Variants in IFT74 observed in about 807,000 individuals in gnomAD.
The protein encoded by IFT74 is intraflagellar transport 74.
In IFT74, 92 loss-of-function variants were observed where a neutral mutation model predicts 96.7. The observed-to-expected ratio is 0.95, with a 90% CI of 0.80 to 1.13. IFT74 has a LOEUF of 1.13. Ranked by LOEUF, IFT74 falls within the 50% of genes most tolerant of loss-of-function variation. IFT74 has a pLI of 0.00. For synonymous variants in IFT74, 223 were observed against 213.2 expected (o/e 1.05, Z -0.40); for missense variants, 811 against 698.2 (o/e 1.16, Z -1.82).
At chr9:26,977,476 C>T (rs1166491426) in intron 2 of IFT74, among the ~76,000 whole-genome samples, 1 of 152,102 alleles carries the variant, frequency 6.6e-6, no homozygotes, top group African/African-American at 2.4e-5. Context: ...TTGTAAACTG[C>T]CTTTTAATTT....
chr9:26,997,821 G>A, intron 8 of IFT74: 1 of 1,614,172 alleles, frequency 6.2e-7, no homozygotes, highest in Non-Finnish European at 8.5e-7. Flanking sequence ...ATTAATTCCA[G>A]ATGAAATAGT....
At chr9:27,012,166 T>G (rs1179045230) in intron 10 of IFT74, among the ~76,000 whole-genome samples, 198 bp downstream of exon 10, 1 of 152,204 alleles carries the variant, frequency 6.6e-6, no homozygotes, top group Non-Finnish European at 1.5e-5. Context: ...GAGTACCTAC[T>G]ATGTATAAAA....
intron 8 of IFT74, chr9:26,996,308 T>C (rs934982805): frequency 2.6e-6 from 4 of 1,557,386 alleles, no homozygotes; most frequent in Non-Finnish European, 3.5e-6. Context: ...ACCAGTATAT[T>C]ACCTGAATTT....
At chr9:27,058,697 A>G (rs1820284732) in intron 18 of IFT74, among the ~76,000 whole-genome samples, 2 of 152,158 alleles carry the variant, frequency 1.3e-5, no homozygotes, top group Admixed American at 6.5e-5. Flanking sequence ...CTTTGGTGAC[A>G]TTTCTATAGC....
At chr9:26,974,631 C>G (rs532605159) in intron 2 of IFT74, among the ~76,000 whole-genome samples, 39 of 152,202 alleles carry the variant, frequency 2.6e-4, no homozygotes, top group African/African-American at 9.2e-4. Context: ...AATTTTTGGT[C>G]CGCGGTAGGG....
intron 2 of IFT74, among the ~76,000 whole-genome samples, chr9:26,965,625 G>C (rs940618756): frequency 2.0e-5 from 3 of 151,998 alleles, no homozygotes; most frequent in Admixed American, 2.0e-4. Context: ...CACGTTATCT[G>C]TTTATTTGTA....
At chr9:26,995,641 TGG>T (rs1464755261) in intron 8 of IFT74, 1 of 1,613,838 alleles carries the variant, frequency 6.2e-7, no homozygotes, top group Non-Finnish European at 8.5e-7. Context: ...AGTTTGTTTC[TGG>T]TATCTGTGAA....
Position 26,978,262 on chromosome 9 carries a change from A to AGGT in IFT74, c.256_256+2dup. 1 of 1,612,630 alleles carries AGGT rather than the reference A, an allele frequency of 6.2e-7. No individual in the cohort carries two copies. The highest frequency in any genetic ancestry group is 8.5e-7 in the Non-Finnish European group (1 of 1,179,682). On this transcript the variant is annotated inframe_insertion and splice_region_variant, in exon 3 of 20. Transcript: ENST00000380062. ...TGACTGGAATGAAAACTGGGACGAAAGGTACCTATTTTAAGATAAGTATGA... is the reference window on the plus strand; with the variant it reads ...TGACTGGAATGAAAACTGGGACGAAAGGTGGTACCTATTTTAAGATAAGTATGA...
rs1427359610 is a variant in IFT74 at position 27,064,795 on chromosome 9, T to C, written c.*2059T>C. Among the ~76,000 whole-genome samples the C allele has an allele frequency of 8.1e-6, 1 of 123,656 alleles. No individual in the cohort carries two copies. The highest frequency in any genetic ancestry group is 1.9e-5 in the Non-Finnish European group (1 of 52,532). The allele number at this position is 123,656 out of a possible 152,430, so 81.1% of individuals were successfully genotyped here. On this transcript the variant is annotated 3_prime_UTR_variant, in exon 20 of 20. Coordinates refer to ENST00000380062, the MANE Select transcript of IFT74 (RefSeq NM_025103.4). ...GTGTTCTTGACATTTTACTGCACCC[T>C]TTTAAATAACCAACTTAGTAATTTT...
At chr9:26,982,233 C>T in intron 4 of IFT74, 6 of 310,070 alleles carry the variant, frequency 1.9e-5, no homozygotes, top group South Asian at 5.1e-5. Context: ...CAGTTGCTAC[C>T]AATGTGGCCT....
Position 27,044,773 on chromosome 9 carries a change from GA to G in IFT74, c.1090del (p.Arg364GlyfsTer20). 2 of 1,556,586 alleles carry G rather than the reference GA, an allele frequency of 1.3e-6. No individual in the cohort carries two copies. Among genetic ancestry groups the G allele is most frequent in the Non-Finnish European group, 1.8e-6 (2 of 1,137,330 alleles). On this transcript the variant is annotated frameshift_variant, in exon 14 of 20. Transcript: ENST00000380062. LOFTEE classifies it high-confidence loss of function. ...TGAACCAGAAATACAAGGAGCTAAA[GA>G]AAAGGGAGGAACATATGGACAGTAA... Reference protein sequence around the residue: ...EMNQKYKELKKREEHMDTFIE... With the variant: ...EMNQKYKELKXREEHMDTFIE...
At chr9:27,019,651 G>A (rs1829505401) in intron 12 of IFT74, among the ~76,000 whole-genome samples, 1 of 151,470 alleles carries the variant, frequency 6.6e-6, no homozygotes, top group Admixed American at 6.6e-5. Flanking sequence ...TCCATTGTAT[G>A]GATATACCAT....
chr9:27,048,305 T>C lies in IFT74; in HGVS notation c.1333+31T>C, dbSNP rs749123838. On this transcript the variant is annotated intron_variant, in intron 16 of 19. Transcript: ENST00000380062. ...AAAACAACCTAGATTTTAATATTCT[T>C]TTTTTTTAAAATATATCAATGTTAT... 1.6e-5 allele frequency: 24 copies of C among 1,456,892 alleles called. No individual in the cohort carries two copies. The African/African-American group carries it at 2.8e-4, about 17-fold the overall frequency. 90.2% of individuals were successfully genotyped at this position (1,456,892 alleles called of 1,614,324 possible).
At chr9:26,992,077 A>G (rs1827911003) in intron 8 of IFT74, among the ~76,000 whole-genome samples, 1 of 152,086 alleles carries the variant, frequency 6.6e-6, no homozygotes, top group South Asian at 2.1e-4. Flanking sequence ...TAATCCCCTG[A>G]AGGCCTTAAA....
chr9:26,991,846 C>T (rs762139828), intron 8 of IFT74, among the ~76,000 whole-genome samples: 17 of 151,972 alleles, frequency 1.1e-4, no homozygotes, highest in African/African-American at 2.7e-4. Flanking sequence ...CTGGCCAACA[C>T]GGTAAAACCA....
At chr9:26,970,680 C>A (rs983596683) in intron 2 of IFT74, among the ~76,000 whole-genome samples, 1 of 152,204 alleles carries the variant, frequency 6.6e-6, no homozygotes. Flanking sequence ...AAAGATCACT[C>A]GGGTTAACCC....
chr9:26,968,066 CTTTT>C (rs34008230), intron 2 of IFT74, among the ~76,000 whole-genome samples: 2 of 118,412 alleles, frequency 1.7e-5, no homozygotes, highest in South Asian at 2.6e-4. Context: ...TATGTCTTGT[CTTTT>C]TTTTTTTTTT....
intron 8 of IFT74, among the ~76,000 whole-genome samples, chr9:26,999,936 A>C (rs1168796858): frequency 6.6e-6 from 1 of 151,850 alleles, no homozygotes; most frequent in Non-Finnish European, 1.5e-5. Flanking sequence ...ATGCCTGGCT[A>C]ATTTTAAAAA....
rs112857078 is a variant in IFT74 at position 26,949,178 on chromosome 9, T to C, written c.-20+2032T>C. 7.8e-3 allele frequency among the ~76,000 whole-genome samples: 1,190 copies of C among 152,300 alleles called. 17 individuals are homozygous for C. The highest frequency in any genetic ancestry group is 0.027 in the African/African-American group (1,139 of 41,552). On this transcript the variant is annotated intron_variant, in intron 1 of 19. Transcript: ENST00000433700. ...TAACCATCTAATTTACTGCCTCCTA[T>C]ATAATAGGAAATGTTTTTCAACTTG...
Sources: gnomAD v4.1 joint callset for allele counts (sites outside exome capture counted in the v4.1 genomes callset) on GRCh38, gnomAD v4.1.1 for gene constraint, MANE v1.5 for transcripts, NCBI Gene and HGNC (gene_info 2026-07-23, HGNC 2026-07-21) for gene names.